Variants in DLG5 observed in about 807,000 individuals in gnomAD.
DLG5 encodes disks large homolog 5.
A neutral mutation model predicts 189.8 loss-of-function variants in DLG5; 48 were observed. The ratio of observed to expected loss-of-function variants is 0.25; its 90% confidence interval spans 0.20 to 0.32. The LOEUF (loss-of-function observed/expected upper bound fraction) is 0.32. Among genes scored for constraint, DLG5 ranks in the 10% least tolerant of loss-of-function variants. DLG5 has a pLI of 1.00. For missense variants in DLG5, 2,160 were observed against 2,544.7 expected (o/e 0.85, Z 3.25); for synonymous variants, 1,016 against 1,054.1 (o/e 0.96, Z 0.70).
intron 1 of DLG5, among the ~76,000 whole-genome samples, chr10:77,877,988 T>G (rs1845158728): frequency 6.6e-6 from 1 of 152,194 alleles, no homozygotes; most frequent in African/African-American, 2.4e-5. Context: ...CCGGGGGCCA[T>G]GTCTGCCCTA....
At chr10:77,834,189 G>C in intron 8 of DLG5, 150 bp from the exon 9 acceptor site, 2 of 1,162,300 alleles carry the variant, frequency 1.7e-6, no homozygotes, top group South Asian at 1.6e-5. Context: ...GAATCTAGGG[G>C]TAAGACCACC....
At position 77,821,961 on chromosome 10, in the gene DLG5, G is replaced by A; in HGVS notation, c.2523C>T (p.Ser841=). 1 of 1,614,248 alleles carries A rather than the reference G, an allele frequency of 6.2e-7. No homozygotes were observed. Among genetic ancestry groups the A allele is most frequent in the Non-Finnish European group, 8.5e-7 (1 of 1,180,052 alleles). Residue 841 remains serine, a synonymous_variant, in exon 15 of 32, where the codon TCC becomes TCT. Coordinates refer to ENST00000372391, the MANE Select transcript of DLG5 (RefSeq NM_004747.4). ...CCGTGTAGAAGATGTCTGTCTGCGT[G>A]GAGTTATTGTGCTGTATCAAGTTCC... The part of the protein sequence containing the change: ...NKRNLIQHNN[S]TQTDIFYTDR...
chr10:77,841,798 T>A, intron 7 of DLG5, 83 bp downstream of exon 7: 1 of 1,494,272 alleles, frequency 6.7e-7, no homozygotes, highest in Non-Finnish European at 9.0e-7. Context: ...AGGCTTCTAA[T>A]CCGGACACCA....
intron 2 of DLG5, among the ~76,000 whole-genome samples, chr10:77,857,351 C>T (rs1191191253): frequency 1.3e-5 from 2 of 152,228 alleles, no homozygotes; most frequent in Non-Finnish European, 2.9e-5. Context: ...TCCAATGACG[C>T]TACTAAGGAC....
At chr10:77,928,205 G>A (rs1316001525), upstream of DLG5, 1 of 152,232 alleles carries the variant, frequency 6.6e-6, no homozygotes, top group African/African-American at 2.4e-5. Flanking sequence ...GAAAAATGGT[G>A]GAGGGAGAAT....
the DLG5 span, among the ~76,000 whole-genome samples, chr10:77,932,832 A>G: frequency 6.6e-6 from 1 of 152,184 alleles, no homozygotes; most frequent in Admixed American, 6.5e-5. Context: ...AACTTGGCCT[A>G]CCAGGCCCCA....
chr10:77,856,877 G>A lies in DLG5; in HGVS notation c.389C>T (p.Ala130Val), dbSNP rs201454635. The change falls in exon 3 of 32, where the codon GCG becomes GTG. Residue 130 changes from alanine (A) to valine (V), a missense_variant. This residue lies in a region of DLG5 where 664 missense variants were observed against 838.5 expected (regional missense o/e 0.79). Transcript: ENST00000372391. Reference sequence around the variant, plus strand: ...AGTGAGGAGGGGTGGTGGGGACGGCGCCTTCCCGGTAGTGCCTGTGGAAGG... The same window carrying A: ...AGTGAGGAGGGGTGGTGGGGACGGCACCTTCCCGGTAGTGCCTGTGGAAGG... ...SLSSVGTTGKAPSPPPLLTDQ... is the reference protein window; with the variant it reads ...SLSSVGTTGKVPSPPPLLTDQ... The A allele has an allele frequency of 1.6e-4, 262 of 1,611,380 alleles. 2 individuals are homozygous for A. Among genetic ancestry groups the A allele is most frequent in the Admixed American group, 2.5e-4 (15 of 59,970 alleles).
rs1336134499 is a variant in DLG5, at chr10:77,842,036, C to T, written c.1282G>A (p.Val428Met). The change falls in exon 7 of 32, where the codon GTG (valine) becomes ATG (methionine). Residue 428 changes from valine (V) to methionine (M), a missense_variant. Transcript: ENST00000372391. ...ATGATGAGCTTGTACTCGCTGTACACAGCGTCCCGCTCCTCCCTGTATTTC... is the reference window on the plus strand; with the variant it reads ...ATGATGAGCTTGTACTCGCTGTACATAGCGTCCCGCTCCTCCCTGTATTTC... ...SEKYREERDA[V>M]YSEYKLIMSE... 1 of 1,614,238 alleles carries T rather than the reference C, an allele frequency of 6.2e-7. No individual in the cohort carries two copies. Among genetic ancestry groups the T allele is most frequent in the Admixed American group, 1.7e-5 (1 of 60,036 alleles).
rs11408820 is a variant in DLG5 at position 77,886,384 on chromosome 10, C to CTT, written c.305-17189_305-17188dup. Among the ~76,000 whole-genome samples the CTT allele has an allele frequency of 3.4e-3, 492 of 143,868 alleles. 2 individuals carry two copies. Among genetic ancestry groups the CTT allele is most frequent in the South Asian group, 0.025 (111 of 4,526 alleles). 94.4% of individuals were successfully genotyped at this position (143,868 alleles called of 152,430 possible). A position where few individuals can be genotyped will look rare whatever the true frequency, so the allele number is the denominator to read the frequency against. The stretch of plus-strand genomic sequence containing the variant: ...GAACCGTGTGAGAGTAGTAATGTTG[C>CTT]TTTTTTTTTTTTTGGAGACAGAGTC... On this transcript the variant is annotated intron_variant, in intron 1 of 31. Coordinates refer to ENST00000372391, the MANE Select transcript of DLG5 (RefSeq NM_004747.4).
At position 77,821,590 on chromosome 10, in the gene DLG5, T is replaced by C. The variant is rs765111038; in HGVS notation, c.2894A>G (p.Lys965Arg). The change falls in exon 15 of 32, where the codon AAA becomes AGA. Residue 965 changes from lysine (K) to arginine (R), a missense_variant. Transcript: ENST00000372391. ...TAVPEKLSVYKKPKQRKSIFD... is the reference protein window; with the variant it reads ...TAVPEKLSVYRKPKQRKSIFD... ...GATGGACTTTCTTTGCTTTGGCTTTTTATAAACAGAGAGCTTCTCAGGCAC... is the reference window on the plus strand; with the variant it reads ...GATGGACTTTCTTTGCTTTGGCTTTCTATAAACAGAGAGCTTCTCAGGCAC... 1.2e-6 allele frequency: 2 copies of C among 1,613,040 alleles called. No individual in the cohort carries two copies. The highest frequency in any genetic ancestry group is 2.2e-5 in the South Asian group (2 of 91,082).
chr10:77,806,718 A>AC, intron 26 of DLG5, 40 bp downstream of exon 26: 258 of 1,333,526 alleles, frequency 1.9e-4, no homozygotes, highest in Non-Finnish European at 2.5e-4. Flanking sequence ...GCCCTCGGCG[A>AC]CCCCTGCCCC....
Position 77,815,838 on chromosome 10 carries a change from A to G in DLG5, c.4025+713T>C, listed in dbSNP as rs1036418928. Among the ~76,000 whole-genome samples, 3 of 152,202 alleles carry G rather than the reference A, an allele frequency of 2.0e-5. No homozygotes were observed. The East Asian group carries it at 5.8e-4, about 29-fold the overall frequency. Reference sequence around the variant, plus strand: ...ACAATCTAGACAGAAGCTGTTAAATATAAACACAATCTAGTAAGTTCCATC... The same window carrying G: ...ACAATCTAGACAGAAGCTGTTAAATGTAAACACAATCTAGTAAGTTCCATC... On this transcript the variant is annotated intron_variant, in intron 20 of 31. Coordinates refer to ENST00000372391, the MANE Select transcript of DLG5 (RefSeq NM_004747.4).
intron 1 of DLG5, among the ~76,000 whole-genome samples, chr10:77,891,573 G>GAC (rs55688664): frequency 0.051 from 7,137 of 140,476 alleles, 258 homozygotes; most frequent in African/African-American, 0.1. Context: ...TCCCCCAACA[G>GAC]ACACACACAC....
chr10:77,806,699 T>C lies in DLG5; in HGVS notation c.4967+59A>G, dbSNP rs7894169. The C allele has an allele frequency of 2.2e-3, 3,305 of 1,489,224 alleles. 70 individuals are homozygous for C. The African/African-American group carries it at 0.039, about 17-fold the overall frequency. The allele number at this position is 1,489,224 out of a possible 1,614,324, so 92.3% of individuals were successfully genotyped here. ...AGCCCCCTCCCATGGGACAGCTCCATGGCTGGTGGCCCTCGGCGACCCCTG... is the reference window on the plus strand; with the variant it reads ...AGCCCCCTCCCATGGGACAGCTCCACGGCTGGTGGCCCTCGGCGACCCCTG... On this transcript the variant is annotated intron_variant, in intron 26 of 31. Transcript: ENST00000372391.
At position 77,816,994 on chromosome 10, in the gene DLG5, G is replaced by A. The variant is rs768302977; in HGVS notation, c.3874+13C>T. 12 of 1,612,778 alleles carry A rather than the reference G, an allele frequency of 7.4e-6. No homozygotes were observed. The highest frequency in any genetic ancestry group is 2.2e-5 in the East Asian group (1 of 44,882). The stretch of plus-strand genomic sequence containing the variant: ...GAAAAGCAGGAGAGATGGGAATGTC[G>A]AGAAGTCCTTACCTCTCTCGGAGCC... On this transcript the variant is annotated intron_variant, in intron 19 of 31. Coordinates refer to ENST00000372391, the MANE Select transcript of DLG5 (RefSeq NM_004747.4).
chr10:77,897,068 T>C (rs1281442792), intron 1 of DLG5, among the ~76,000 whole-genome samples: 2 of 150,456 alleles, frequency 1.3e-5, no homozygotes, highest in Admixed American at 6.6e-5. Context: ...CATCAAAAAA[T>C]TAAAAAGCCA....
At chr10:77,835,124 C>T (rs1843061745) in intron 8 of DLG5, among the ~76,000 whole-genome samples, 2 of 152,142 alleles carry the variant, frequency 1.3e-5, no homozygotes, top group African/African-American at 4.8e-5. Flanking sequence ...CACGACTTGC[C>T]CACGTCCCTG....
chr10:77,804,651 C>A (rs886761411), intron 27 of DLG5, among the ~76,000 whole-genome samples: 1 of 152,220 alleles, frequency 6.6e-6, no homozygotes, highest in Non-Finnish European at 1.5e-5. Context: ...ACAAATGCAT[C>A]CTTTCCACAA....
intron 6 of DLG5, among the ~76,000 whole-genome samples, chr10:77,843,021 G>C (rs556528114): frequency 2.0e-5 from 3 of 152,308 alleles, no homozygotes; most frequent in Non-Finnish European, 4.4e-5. Flanking sequence ...CATCTCTAAA[G>C]ATGACAGAAG....
Sources: allele counts gnomAD v4.1 joint callset (sites outside exome capture counted in the v4.1 genomes callset), GRCh38; gene constraint gnomAD v4.1.1; regional missense constraint gnomAD v4.1.1; transcripts MANE v1.5; gene names NCBI Gene and HGNC (gene_info 2026-07-23, HGNC 2026-07-21).